CDKAL1: variants seen among roughly 807,000 people sequenced by gnomAD.
CDKAL1 encodes the protein threonylcarbamoyladenosine tRNA methylthiotransferase.
CDKAL1 carries 32 observed loss-of-function variants against 68.2 expected under a neutral mutation model. The observed-to-expected ratio is 0.47, with a 90% CI of 0.35 to 0.63. The LOEUF is 0.63. Ranked by LOEUF, CDKAL1 falls within the 30% of genes least tolerant of loss-of-function variation. The pLI, the probability that CDKAL1 is intolerant of heterozygous loss-of-function variation, is 0.00. For missense variants in CDKAL1, 606 were observed against 696.7 expected (o/e 0.87, Z 1.47); for synonymous variants, 234 against 244.3 (o/e 0.96, Z 0.39).
chr6:20,603,166 T>C (rs1302810217), intron 4 of CDKAL1, among the ~76,000 whole-genome samples: 1 of 152,158 alleles, frequency 6.6e-6, no homozygotes, highest in South Asian at 2.1e-4. Flanking sequence ...ACCTCTAGGA[T>C]TTTAGAGCAA....
intron 4 of CDKAL1, among the ~76,000 whole-genome samples, chr6:20,568,734 C>CAAAA (rs71538795): frequency 1.9e-4 from 6 of 31,112 alleles, no homozygotes; most frequent in Non-Finnish European, 3.1e-4. Flanking sequence ...GACTCCGCCT[C>CAAAA]AAAAAAAAAA....
intron 12 of CDKAL1, among the ~76,000 whole-genome samples, chr6:21,080,139 C>A (rs1772306789): frequency 6.6e-6 from 1 of 150,600 alleles, no homozygotes; most frequent in South Asian, 2.1e-4. Flanking sequence ...CACTGTCACA[C>A]TAACAAAAGT....
At chr6:20,974,644 T>C (rs905020220) in intron 10 of CDKAL1, among the ~76,000 whole-genome samples, 1 of 152,106 alleles carries the variant, frequency 6.6e-6, no homozygotes, top group African/African-American at 2.4e-5. Flanking sequence ...AAGGCTGTTA[T>C]CGAGTTGATG....
At chr6:20,793,851 A>G (rs972384586) in intron 8 of CDKAL1, among the ~76,000 whole-genome samples, 1 of 148,092 alleles carries the variant, frequency 6.8e-6, no homozygotes. Context: ...ATATATACAT[A>G]TATAAATATA....
chr6:20,637,977 C>G, intron 4 of CDKAL1, among the ~76,000 whole-genome samples: 1 of 151,960 alleles, frequency 6.6e-6, no homozygotes, highest in Middle Eastern at 3.2e-3. Context: ...AATATTTGTT[C>G]TGAAGGTACT....
intron 9 of CDKAL1, among the ~76,000 whole-genome samples, chr6:20,926,234 C>T (rs1346435963): frequency 1.3e-5 from 2 of 151,982 alleles, no homozygotes; most frequent in Non-Finnish European, 2.9e-5. Context: ...TAGTTGTTTA[C>T]ATAAAGAATT....
At chr6:20,998,625 G>GAA (rs202002678) in intron 10 of CDKAL1, among the ~76,000 whole-genome samples, 3 of 114,780 alleles carry the variant, frequency 2.6e-5, no homozygotes, top group African/African-American at 9.5e-5. Context: ...AAAGAAAAAA[G>GAA]AAAAAAAAAA....
At chr6:20,784,232 G>A (rs901138393) in intron 8 of CDKAL1, among the ~76,000 whole-genome samples, 1 of 150,166 alleles carries the variant, frequency 6.7e-6, no homozygotes, top group Non-Finnish European at 1.5e-5. Context: ...AAAAAGTGTA[G>A]TATTTGCATA....
At chr6:20,855,281 A>G (rs1759265839) in intron 9 of CDKAL1, among the ~76,000 whole-genome samples, 1 of 151,786 alleles carries the variant, frequency 6.6e-6, no homozygotes, top group Non-Finnish European at 1.5e-5. Flanking sequence ...CATCTCTACT[A>G]AAAATATAAA....
chr6:20,687,811 C>T (rs1372947059), intron 5 of CDKAL1, among the ~76,000 whole-genome samples: 1 of 152,124 alleles, frequency 6.6e-6, no homozygotes, highest in Non-Finnish European at 1.5e-5. Flanking sequence ...TAGGCATGAG[C>T]CACCTTGCCC....
chr6:20,925,257 A>G (rs1275312308), intron 9 of CDKAL1, among the ~76,000 whole-genome samples: 1 of 152,228 alleles, frequency 6.6e-6, no homozygotes, highest in Admixed American at 6.5e-5. Context: ...AGGTATGTAC[A>G]CTTTTTCAGA....
At chr6:20,644,901 C>A in intron 4 of CDKAL1, among the ~76,000 whole-genome samples, 1 of 152,084 alleles carries the variant, frequency 6.6e-6, no homozygotes. Context: ...TGTTATCATG[C>A]GAACATCATC....
intron 10 of CDKAL1, among the ~76,000 whole-genome samples, chr6:20,995,665 C>T (rs767905393): frequency 6.6e-6 from 1 of 152,060 alleles, no homozygotes; most frequent in Non-Finnish European, 1.5e-5. Flanking sequence ...CTTTGGTGTT[C>T]CATTTATAGA....
chr6:21,191,411 A>G (rs1019846633), intron 13 of CDKAL1, among the ~76,000 whole-genome samples: 2 of 152,258 alleles, frequency 1.3e-5, no homozygotes, highest in Non-Finnish European at 2.9e-5. Context: ...CTAGCTGATT[A>G]TGTAACTTAC....
At chr6:20,670,174 G>A (rs1581351740) in intron 5 of CDKAL1, among the ~76,000 whole-genome samples, 1 of 152,216 alleles carries the variant, frequency 6.6e-6, no homozygotes. Flanking sequence ...CCATCTCTGT[G>A]AAAAAGAAAT....
intron 12 of CDKAL1, among the ~76,000 whole-genome samples, chr6:21,106,309 A>C (rs1340541096): frequency 1.3e-5 from 2 of 152,262 alleles, no homozygotes; most frequent in East Asian, 3.8e-4. Flanking sequence ...TTGCGAGGAC[A>C]AACTGTGTAG....
intron 4 of CDKAL1, chr6:20,558,983 GTTGCAT>G (rs1764166044): frequency 6.5e-6 from 1 of 154,158 alleles, no homozygotes; most frequent in Non-Finnish European, 1.4e-5. Flanking sequence ...TTATGCAATA[GTTGCAT>G]GATGATTTTT....
chr6:20,854,017 A>G (rs1759187756), intron 9 of CDKAL1, among the ~76,000 whole-genome samples: 3 of 152,224 alleles, frequency 2.0e-5, no homozygotes, highest in African/African-American at 7.2e-5. Flanking sequence ...TTATCAACCA[A>G]GGCATCACAA....
intron 5 of CDKAL1, among the ~76,000 whole-genome samples, chr6:20,702,997 G>T (rs575480227): frequency 6.6e-6 from 1 of 152,214 alleles, no homozygotes; most frequent in African/African-American, 2.4e-5. Context: ...ATAGAGAGAA[G>T]TGAAGAGCTG....
Sources: allele counts gnomAD v4.1 joint callset (sites outside exome capture counted in the v4.1 genomes callset), GRCh38; gene constraint gnomAD v4.1.1; transcripts MANE v1.5; gene names NCBI Gene and HGNC (gene_info 2026-07-23, HGNC 2026-07-21).